Variants in HCRTR2 observed in about 807,000 individuals in gnomAD.
HCRTR2 encodes hypocretin receptor 2.
Under a neutral mutation model 49.0 loss-of-function variants are expected in HCRTR2, and 22 were observed. The observed-to-expected ratio is 0.45, with a 90% CI of 0.32 to 0.64. The LOEUF (loss-of-function observed/expected upper bound fraction) is 0.64, where lower values mean the gene tolerates loss of function less well. HCRTR2 is among the 30% of genes least tolerant of loss of function. The probability of loss-of-function intolerance (pLI) is 0.04; values close to 1 mark genes in which losing one functional copy is unlikely to be tolerated. For synonymous variants in HCRTR2, 236 were observed against 205.3 expected (o/e 1.15, Z -1.28); for missense variants, 491 against 559.4 (o/e 0.88, Z 1.23).
rs576328092 is a variant in HCRTR2, at chr6:55,230,934, G to A, written c.224-17705G>A. Reference sequence around the variant, plus strand: ...TATAGAATCCTTTGTTGGGGGCTGCGAGGAGGCAGTAAGAAGTATCACATC... The same window carrying A: ...TATAGAATCCTTTGTTGGGGGCTGCAAGGAGGCAGTAAGAAGTATCACATC... On this transcript the variant is annotated intron_variant, in intron 1 of 6. Coordinates refer to ENST00000370862, the MANE Select transcript of HCRTR2 (RefSeq NM_001384272.1). Among the ~76,000 whole-genome samples, 3 of 151,964 alleles carry A rather than the reference G, an allele frequency of 2.0e-5. No individual in the cohort carries two copies. The South Asian group carries it at 6.2e-4, about 32-fold the overall frequency.
chr6:55,124,375 C>A (rs943990334), intron 1 of HCRTR2, among the ~76,000 whole-genome samples: 5 of 152,114 alleles, frequency 3.3e-5, no homozygotes, highest in Non-Finnish European at 7.3e-5. Flanking sequence ...GTTATTTACC[C>A]AGTAGTTATT....
At chr6:55,260,356 C>T (rs148181845) in intron 3 of HCRTR2, among the ~76,000 whole-genome samples, 1 of 152,306 alleles carries the variant, frequency 6.6e-6, no homozygotes, top group Non-Finnish European at 1.5e-5. Flanking sequence ...GTGCTGAGAT[C>T]ACTTTCAGAT....
intron 4 of HCRTR2, among the ~76,000 whole-genome samples, chr6:55,269,992 T>C (rs1487353448): frequency 1.3e-5 from 2 of 152,152 alleles, no homozygotes; most frequent in Non-Finnish European, 2.9e-5. Context: ...AGCATAAACA[T>C]GTATATTTAG....
At chr6:55,267,302 A>G (rs1315357753) in intron 4 of HCRTR2, among the ~76,000 whole-genome samples, 3 of 152,004 alleles carry the variant, frequency 2.0e-5, no homozygotes. Context: ...ATTATTAGTG[A>G]GCAAATTGTG....
At chr6:55,209,868 A>T (rs1172980425) in intron 1 of HCRTR2, among the ~76,000 whole-genome samples, 1 of 152,134 alleles carries the variant, frequency 6.6e-6, no homozygotes, top group Non-Finnish European at 1.5e-5. Flanking sequence ...CTTGCACTCC[A>T]GTGAGTTTAT....
intron 1 of HCRTR2, among the ~76,000 whole-genome samples, chr6:55,180,866 C>A (rs1765120880): frequency 6.6e-6 from 1 of 151,606 alleles, no homozygotes; most frequent in Non-Finnish European, 1.5e-5. Flanking sequence ...GTGGCACAAT[C>A]TCGTCTCACT....
chr6:55,180,447 A>T (rs767356632), intron 1 of HCRTR2, among the ~76,000 whole-genome samples: 12 of 152,218 alleles, frequency 7.9e-5, no homozygotes, highest in Non-Finnish European at 1.8e-4. Flanking sequence ...TTTCTGATAG[A>T]CTACAGTTCT....
intron 1 of HCRTR2, among the ~76,000 whole-genome samples, chr6:55,197,365 C>A (rs549161318): frequency 3.4e-4 from 51 of 152,186 alleles, no homozygotes; most frequent in African/African-American, 1.2e-3. Context: ...ATTCTACTTC[C>A]CACCCTGACT....
intron 1 of HCRTR2, among the ~76,000 whole-genome samples, chr6:55,148,430 T>A (rs1470470036): frequency 6.6e-6 from 1 of 152,148 alleles, no homozygotes; most frequent in Non-Finnish European, 1.5e-5. Flanking sequence ...TGATTGGAAA[T>A]TATAGAAGTG....
At chr6:55,233,179 C>T (rs1378944018) in intron 1 of HCRTR2, among the ~76,000 whole-genome samples, 1 of 151,760 alleles carries the variant, frequency 6.6e-6, no homozygotes, top group Non-Finnish European at 1.5e-5. Context: ...ATCTCCGCCT[C>T]TCGGATTCTA....
chr6:55,182,233 G>A (rs981081640), intron 1 of HCRTR2, among the ~76,000 whole-genome samples: 3 of 152,154 alleles, frequency 2.0e-5, no homozygotes, highest in Admixed American at 6.5e-5. Context: ...GACCGCCCCC[G>A]GGCCCCGGCC....
At chr6:55,241,967 C>A (rs970951548) in intron 1 of HCRTR2, among the ~76,000 whole-genome samples, 5 of 149,188 alleles carry the variant, frequency 3.4e-5, no homozygotes, top group Non-Finnish European at 4.4e-5. Context: ...CTCCCGGGTT[C>A]AAGCGATTCT....
At chr6:55,163,758 A>T (rs1764839183) in intron 1 of HCRTR2, among the ~76,000 whole-genome samples, 1 of 152,210 alleles carries the variant, frequency 6.6e-6, no homozygotes, top group Non-Finnish European at 1.5e-5. Flanking sequence ...AATGGCAAGA[A>T]AATCCCAAAT....
chr6:55,126,124 G>A (rs6934320), intron 1 of HCRTR2, among the ~76,000 whole-genome samples: 5,036 of 152,158 alleles, frequency 0.033, 286 homozygotes, highest in African/African-American at 0.11. Flanking sequence ...CTGTCAATTC[G>A]TCAAACTCAT....
intron 3 of HCRTR2, among the ~76,000 whole-genome samples, chr6:55,256,477 G>C (rs1412917189): frequency 6.6e-6 from 1 of 152,072 alleles, no homozygotes; most frequent in Non-Finnish European, 1.5e-5. Context: ...TATATCTACA[G>C]CAAGATAATA....
At position 55,254,986 on chromosome 6, in the gene HCRTR2, A is replaced by C; in HGVS notation, c.403-150A>C. On this transcript the variant is annotated intron_variant, in intron 2 of 6. Transcript: ENST00000370862. Reference sequence around the variant, plus strand: ...CATTTTTGTGATATAATTTCTTTTTAAATAGAAAGCACTTGCATGGATTGT... The same window carrying C: ...CATTTTTGTGATATAATTTCTTTTTCAATAGAAAGCACTTGCATGGATTGT... 5.8e-6 allele frequency: 4 copies of C among 688,040 alleles called. No homozygotes were observed. In the South Asian group the frequency reaches 5.8e-5, roughly 10 times the overall value. 42.6% of individuals were successfully genotyped at this position (688,040 alleles called of 1,614,324 possible).
chr6:55,149,720 G>A (rs953513342), intron 1 of HCRTR2, among the ~76,000 whole-genome samples: 5 of 151,882 alleles, frequency 3.3e-5, no homozygotes, highest in South Asian at 2.1e-4. Flanking sequence ...AAATGTAAAC[G>A]TAGTTTGAGG....
intron 3 of HCRTR2, among the ~76,000 whole-genome samples, chr6:55,255,687 G>A (rs976824801): frequency 2.0e-5 from 3 of 152,064 alleles, no homozygotes; most frequent in African/African-American, 7.2e-5. Flanking sequence ...TAAACAAAAA[G>A]CAATATGGAA....
chr6:55,189,014 A>G lies in HCRTR2; in HGVS notation c.223+14204A>G, dbSNP rs115636491. Among the ~76,000 whole-genome samples, 703 of 152,344 alleles carry G rather than the reference A, an allele frequency of 4.6e-3. 2 individuals carry two copies. Among genetic ancestry groups the G allele is most frequent in the African/African-American group, 0.016 (645 of 41,588 alleles). On this transcript the variant is annotated intron_variant, in intron 1 of 6. Transcript: ENST00000370862. Reference sequence around the variant, plus strand: ...TAATTATTTATAAACCATTCCAAAAATCATTCAGGGAATTCCAATAATACA... The same window carrying G: ...TAATTATTTATAAACCATTCCAAAAGTCATTCAGGGAATTCCAATAATACA...
Sources: allele counts gnomAD v4.1 joint callset (sites outside exome capture counted in the v4.1 genomes callset), GRCh38; gene constraint gnomAD v4.1.1; transcripts MANE v1.5; gene names NCBI Gene and HGNC (gene_info 2026-07-23, HGNC 2026-07-21).